Variants in WWOX observed in about 807,000 individuals in gnomAD.
WWOX encodes WW domain-containing oxidoreductase.
WWOX carries 69 observed loss-of-function variants against 46.2 expected under a neutral mutation model. That is an observed-to-expected ratio of 1.49 (90% CI 1.23 to 1.82). The LOEUF is 1.82. Among genes scored for constraint, WWOX ranks in the 40% most tolerant of loss-of-function variants. The pLI is 0.00. For synonymous variants in WWOX, 359 were observed against 202.6 expected (o/e 1.77, Z -6.56); for missense variants, 919 against 542.6 (o/e 1.69, Z -6.89).
At chr16:78,583,402 G>A (rs1344262568) in intron 8 of WWOX, among the ~76,000 whole-genome samples, 1 of 152,200 alleles carries the variant, frequency 6.6e-6, no homozygotes, top group Non-Finnish European at 1.5e-5. Context: ...AGTGTAAGAT[G>A]AGATGCCACT....
At chr16:78,438,743 C>T (rs972871276) in intron 8 of WWOX, among the ~76,000 whole-genome samples, 5 of 152,138 alleles carry the variant, frequency 3.3e-5, no homozygotes, top group South Asian at 2.1e-4. Context: ...CTGCGACGAT[C>T]GGGTTACGTT....
intron 5 of WWOX, among the ~76,000 whole-genome samples, chr16:78,311,628 A>G (rs1205889366): frequency 6.6e-6 from 1 of 152,200 alleles, no homozygotes; most frequent in East Asian, 1.9e-4. Flanking sequence ...AAGAATCCAG[A>G]CTCAACTTAC....
intron 3 of WWOX, among the ~76,000 whole-genome samples, chr16:78,114,056 A>C (rs925891244): frequency 6.9e-6 from 1 of 145,024 alleles, no homozygotes; most frequent in Non-Finnish European, 1.5e-5. Flanking sequence ...AGTAAATTCT[A>C]TTATAAGGAG....
At chr16:78,452,695 C>T (rs1180535208) in intron 8 of WWOX, among the ~76,000 whole-genome samples, 4 of 150,406 alleles carry the variant, frequency 2.7e-5, no homozygotes, top group African/African-American at 7.4e-5. Context: ...AGGCTGGTAT[C>T]GAATTCCTGA....
chr16:79,076,520 C>G (rs1311185309), intron 8 of WWOX, among the ~76,000 whole-genome samples: 3 of 152,170 alleles, frequency 2.0e-5, no homozygotes, highest in Non-Finnish European at 4.4e-5. Flanking sequence ...CGTGCCAGCC[C>G]CCGCTGTCCT....
intron 8 of WWOX, among the ~76,000 whole-genome samples, chr16:78,969,157 T>C (rs1003780923): frequency 5.8e-4 from 88 of 152,202 alleles, no homozygotes; most frequent in African/African-American, 2.0e-3. Flanking sequence ...TCTGGTCTTA[T>C]GGGTCTGGGC....
intron 8 of WWOX, among the ~76,000 whole-genome samples, chr16:79,006,240 A>G (rs541129865): frequency 6.6e-6 from 1 of 152,290 alleles, no homozygotes; most frequent in African/African-American, 2.4e-5. Flanking sequence ...GTGGCATTTG[A>G]TGAGTTGCAC....
chr16:78,540,238 C>T (rs1292144016), intron 8 of WWOX, among the ~76,000 whole-genome samples: 1 of 142,548 alleles, frequency 7.0e-6, no homozygotes, highest in Non-Finnish European at 1.5e-5. Flanking sequence ...CAAGGAGCAA[C>T]AGAAAAAAAA....
intron 8 of WWOX, among the ~76,000 whole-genome samples, chr16:78,761,109 A>G (rs1442395444): frequency 6.6e-6 from 1 of 152,226 alleles, no homozygotes; most frequent in Non-Finnish European, 1.5e-5. Flanking sequence ...GGGTGGGGAC[A>G]GAGCCAAACC....
chr16:78,527,840 C>T (rs1267182335), intron 8 of WWOX, among the ~76,000 whole-genome samples: 1 of 151,582 alleles, frequency 6.6e-6, no homozygotes, highest in Non-Finnish European at 1.5e-5. Flanking sequence ...GTGCTACTGG[C>T]ATCTAGTGGG....
chr16:78,534,741 GTC>G (rs1371803267), intron 8 of WWOX, among the ~76,000 whole-genome samples: 1 of 151,512 alleles, frequency 6.6e-6, no homozygotes, highest in Non-Finnish European at 1.5e-5. Context: ...TTGAGACAGA[GTC>G]TCTGTCTCCA....
chr16:78,210,207 T>A (rs998574435), intron 5 of WWOX, among the ~76,000 whole-genome samples: 3 of 152,210 alleles, frequency 2.0e-5, no homozygotes, highest in Non-Finnish European at 4.4e-5. Flanking sequence ...ATTCTAGCAT[T>A]CCTCATTTTG....
At chr16:78,289,135 G>T (rs924633267) in intron 5 of WWOX, among the ~76,000 whole-genome samples, 8 of 152,158 alleles carry the variant, frequency 5.3e-5, no homozygotes, top group Non-Finnish European at 1.0e-4. Flanking sequence ...AGCGCTGGGA[G>T]GTAAAACTTT....
chr16:79,185,904 A>G (rs1367156549), intron 8 of WWOX, among the ~76,000 whole-genome samples: 2 of 152,108 alleles, frequency 1.3e-5, no homozygotes, highest in African/African-American at 2.4e-5. Context: ...TGATATTAGG[A>G]AAAATACGGT....
chr16:78,342,117 A>G (rs1236515128), intron 5 of WWOX, among the ~76,000 whole-genome samples: 1 of 121,534 alleles, frequency 8.2e-6, no homozygotes, highest in East Asian at 1.9e-4. Context: ...CTATGTCTCA[A>G]GAAAATGTTC....
intron 8 of WWOX, among the ~76,000 whole-genome samples, chr16:78,801,518 G>T (rs8050074): frequency 6.6e-6 from 1 of 152,124 alleles, no homozygotes; most frequent in South Asian, 2.1e-4. Flanking sequence ...CAAAAATAAA[G>T]AAACCCTTGC....
intron 8 of WWOX, among the ~76,000 whole-genome samples, chr16:78,972,565 A>T (rs1012401409): frequency 5.9e-5 from 9 of 152,010 alleles, no homozygotes; most frequent in Admixed American, 2.0e-4. Context: ...ATTTACCGTC[A>T]TCAGCAGGTG....
At chr16:79,094,319 T>A (rs770854349) in intron 8 of WWOX, among the ~76,000 whole-genome samples, 19 of 151,602 alleles carry the variant, frequency 1.3e-4, no homozygotes, top group Non-Finnish European at 2.2e-4. Context: ...AATGGCACGA[T>A]CTCGGCTCGC....
chr16:78,805,359 C>T (rs2051003453), intron 8 of WWOX, among the ~76,000 whole-genome samples: 2 of 152,144 alleles, frequency 1.3e-5, no homozygotes, highest in Non-Finnish European at 2.9e-5. Flanking sequence ...CTCCCGGGTT[C>T]ATGCCATTCT....
Sources: gnomAD v4.1 joint callset for allele counts (sites outside exome capture counted in the v4.1 genomes callset) on GRCh38, gnomAD v4.1.1 for gene constraint, MANE v1.5 for transcripts, NCBI Gene and HGNC (gene_info 2026-07-23, HGNC 2026-07-21) for gene names.